SIGLEC5: variants seen among roughly 807,000 people sequenced by gnomAD.
SIGLEC5 encodes sialic acid-binding Ig-like lectin 5.
In SIGLEC5, 34 loss-of-function variants were observed where a neutral mutation model predicts 45.9. The ratio of observed to expected loss-of-function variants is 0.74; its 90% CI spans 0.56 to 0.99. The LOEUF is 0.99. Ranked by LOEUF, SIGLEC5 falls within the 50% of genes least tolerant of loss-of-function variation. The pLI, the probability that SIGLEC5 is intolerant of heterozygous loss-of-function variation, is 0.00. For missense variants in SIGLEC5, 508 were observed against 629.6 expected (o/e 0.81, Z 2.07); for synonymous variants, 203 against 258.6 (o/e 0.79, Z 2.06).
intron 8 of SIGLEC5, among the ~76,000 whole-genome samples, chr19:51,618,573 C>T (rs1046951907): frequency 6.6e-6 from 1 of 151,242 alleles, no homozygotes; most frequent in Non-Finnish European, 1.5e-5. Context: ...GGGCAGATCA[C>T]TTGAGCCCAG....
chr19:51,626,232 A>G, intron 7 of SIGLEC5, 119 bp from the exon 8 acceptor site: 1 of 746,952 alleles, frequency 1.3e-6, no homozygotes. Flanking sequence ...CCGGAACTAA[A>G]CTCGGAGACC....
Position 51,612,171 on chromosome 19 carries a change from T to C in SIGLEC5, c.*60A>G. Reference sequence around the variant, plus strand: ...GTGCTTCAGCAAGTGGTCCCTGACTTGTCCTTTCCCCCAGACAGGCTGTGG... The same window carrying C: ...GTGCTTCAGCAAGTGGTCCCTGACTCGTCCTTTCCCCCAGACAGGCTGTGG... On this transcript the variant is annotated 3_prime_UTR_variant, in exon 9 of 9. Transcript: ENST00000683636. 1 of 1,411,310 alleles carries C rather than the reference T, an allele frequency of 7.1e-7. No homozygotes were observed. Among genetic ancestry groups the C allele is most frequent in the East Asian group, 2.4e-5 (1 of 41,576 alleles). The allele number at this position is 1,411,310 out of a possible 1,614,324, so 87.4% of individuals were successfully genotyped here.
chr19:51,618,130 A>C (rs535078742), intron 8 of SIGLEC5, among the ~76,000 whole-genome samples: 50 of 151,776 alleles, frequency 3.3e-4, no homozygotes, highest in Non-Finnish European at 6.9e-4. Flanking sequence ...AAAGGAGAAA[A>C]ATGAAATATT....
At position 51,610,997 on chromosome 19, in the gene SIGLEC5, G is replaced by A. The variant is rs78032490; in HGVS notation, c.*1234C>T. 6.6e-6 allele frequency among the ~76,000 whole-genome samples: 1 copy of A among 151,988 alleles called. No individual in the cohort carries two copies. Among genetic ancestry groups the A allele is most frequent in the Non-Finnish European group, 1.5e-5 (1 of 68,002 alleles). On this transcript the variant is annotated 3_prime_UTR_variant, in exon 9 of 9. Coordinates refer to ENST00000683636, the MANE Select transcript of SIGLEC5 (RefSeq NM_003830.4). ...AAGATTTTATTATTTTCAACACAAGGCTTGATCAAAATTATCTAACCTGTC... is the reference window on the plus strand; with the variant it reads ...AAGATTTTATTATTTTCAACACAAGACTTGATCAAAATTATCTAACCTGTC...
At chr19:51,613,034 G>A (rs573853163) in intron 8 of SIGLEC5, among the ~76,000 whole-genome samples, 1 of 152,142 alleles carries the variant, frequency 6.6e-6, no homozygotes, top group African/African-American at 2.4e-5. Context: ...GTGTTTTGTT[G>A]TGCTGTCTCC....
chr19:51,612,908 C>T (rs1212008868), intron 8 of SIGLEC5, among the ~76,000 whole-genome samples: 1 of 152,224 alleles, frequency 6.6e-6, no homozygotes, highest in Non-Finnish European at 1.5e-5. Flanking sequence ...GCCCCCTACC[C>T]ACTGGATGAG....
In SIGLEC5 at chr19:51,611,966, A is replaced by G; in HGVS notation, c.*265T>C. ...TGTGTTGATTTCTTTAATGTTCACA[A>G]CAACCTTTGAGGTAGCATGCATGAT... On this transcript the variant is annotated 3_prime_UTR_variant, in exon 9 of 9. Coordinates refer to ENST00000683636, the MANE Select transcript of SIGLEC5 (RefSeq NM_003830.4). 1 of 247,742 alleles carries G rather than the reference A, an allele frequency of 4.0e-6. No individual in the cohort carries two copies. Among genetic ancestry groups the G allele is most frequent in the Non-Finnish European group, 7.7e-6 (1 of 130,184 alleles). The allele number at this position is 247,742 out of a possible 1,614,324, so 15.3% of individuals were successfully genotyped here. A position where few individuals can be genotyped will look rare whatever the true frequency, so the allele number is the denominator to read the frequency against.
intron 8 of SIGLEC5, among the ~76,000 whole-genome samples, chr19:51,617,082 C>T (rs188434481): frequency 6.6e-6 from 1 of 151,610 alleles, no homozygotes; most frequent in Non-Finnish European, 1.5e-5. Context: ...GGTGAAACCC[C>T]GTCTCTACTA....
chr19:51,612,396 G>C lies in SIGLEC5; in HGVS notation c.1491C>G (p.Asp497Glu), dbSNP rs751832718. 1.2e-6 allele frequency: 2 copies of C among 1,611,814 alleles called. No individual in the cohort carries two copies. The highest frequency in any genetic ancestry group is 1.7e-4 in the Middle Eastern group (1 of 6,006). ...TSGSRKKPWP[D>E]SPGDQASPPG... ...GAGGAGATGCTTGATCTCCGGGGCT[G>C]TCTGGCCAGGGCTTCTTCCTGGAAC... The change falls in exon 9 of 9, where the codon GAC (aspartate) becomes GAG (glutamate). Residue 497 changes from aspartate (D) to glutamate (E), a missense_variant. Coordinates refer to ENST00000683636, the MANE Select transcript of SIGLEC5 (RefSeq NM_003830.4).
At chr19:51,615,027 A>G (rs1414968137) in intron 8 of SIGLEC5, among the ~76,000 whole-genome samples, 2 of 152,230 alleles carry the variant, frequency 1.3e-5, no homozygotes, top group African/African-American at 4.8e-5. Flanking sequence ...GGGTGAATCT[A>G]GAACCTGAAT....
In SIGLEC5 at chr19:51,627,819, T is replaced by C; in HGVS notation, c.997+15A>G. On this transcript the variant is annotated intron_variant, in intron 5 of 8. Transcript: ENST00000683636. ...AATACCATGCAGTTCCTGCTCCAGC[T>C]GCCCCCACACTCACAGTAAACTGAG... 1.3e-6 allele frequency: 2 copies of C among 1,588,052 alleles called. No homozygotes were observed. The highest frequency in any genetic ancestry group is 1.7e-6 in the Non-Finnish European group (2 of 1,166,292).
At position 51,627,647 on chromosome 19, in the gene SIGLEC5, C is replaced by T. The variant is rs140164027; in HGVS notation, c.1097G>A (p.Arg366Gln). Residue 366 changes from arginine to glutamine, a missense_variant, in exon 6 of 9, where the codon CGG (arginine) becomes CAG (glutamine). Coordinates refer to ENST00000683636, the MANE Select transcript of SIGLEC5 (RefSeq NM_003830.4). ...CCCCTCCAGCGGCTTCTCCTCAAGC[C>T]GCCAGCACAGGGAGGGGGCCGGCCG... ...RARPAPSLCW[R>Q]LEEKPLEGNS... is the part of the protein sequence containing the mutation. The T allele has an allele frequency of 1.7e-5, 27 of 1,612,144 alleles. No homozygotes were observed. The highest frequency in any genetic ancestry group is 4.0e-5 in the African/African-American group (3 of 74,994).
Position 51,627,926 on chromosome 19 carries a change from C to T in SIGLEC5, c.905G>A (p.Arg302His), listed in dbSNP as rs142273811. 5.0e-6 allele frequency: 8 copies of T among 1,614,064 alleles called. No homozygotes were observed. Among genetic ancestry groups the T allele is most frequent in the East Asian group, 2.2e-5 (1 of 44,882 alleles). The change falls in exon 5 of 9, where the codon CGT becomes CAT. Residue 302 changes from arginine (R) to histidine (H), a missense_variant. By Grantham distance (29) the Arg-to-His change is conservative. Around this residue, in one of 2 missense-constraint regions of SIGLEC5, gnomAD observed 431 missense variants for 428.8 expected, o/e 1.01. Transcript: ENST00000683636. ...PISNTGILELRRVRSAEEGGF... is the reference protein window; with the variant it reads ...PISNTGILELHRVRSAEEGGF... ...TCCTTCTTCTGCAGACCTTACTCGA[C>T]GAAGCTCCAAGATCCCGGTATTGGA... is the stretch of plus-strand genomic sequence containing the variant.
In SIGLEC5 at chr19:51,627,165, G is replaced by C; in HGVS notation, c.1366C>G (p.Leu456Val). 6.2e-7 allele frequency: 1 copy of C among 1,613,712 alleles called. No individual in the cohort carries two copies. ...AAGACTTACATTAAAAAGAAGATGA[G>C]GCACAGACAGATACAGAGCAGGGCC... The part of the protein sequence containing the change: ...VMALLCICLC[L>V]IFFLIVKARR... The change falls in exon 7 of 9, where the codon CTC (leucine) becomes GTC (valine). Residue 456 changes from leucine to valine, a missense_variant. Around this residue, in one of 2 missense-constraint regions of SIGLEC5, gnomAD observed 431 missense variants for 428.8 expected, o/e 1.01. Coordinates refer to ENST00000683636, the MANE Select transcript of SIGLEC5 (RefSeq NM_003830.4).
intron 8 of SIGLEC5, among the ~76,000 whole-genome samples, chr19:51,613,852 A>G (rs1347810401): frequency 6.6e-6 from 1 of 151,914 alleles, no homozygotes; most frequent in Non-Finnish European, 1.5e-5. Context: ...ACAGTGTGAG[A>G]AATCAGACAT....
At chr19:51,627,000 ATC>A (rs1983504958) in intron 7 of SIGLEC5, 147 bp downstream of exon 7, 2 of 617,990 alleles carry the variant, frequency 3.2e-6, no homozygotes, top group Non-Finnish European at 5.7e-6. Flanking sequence ...AACCTCCATG[ATC>A]AAGTGATCCT....
rs762129815 is a variant in SIGLEC5, at chr19:51,628,813, ATG to A, written c.739+223_739+224del. ...ATGTGTATGTGTGTGGTGTATATGC[ATG>A]TGTGTGTGTGCGTGTGTGTGTGCGT... On this transcript the variant is annotated intron_variant, in intron 4 of 8. Transcript: ENST00000683636. Among the ~76,000 whole-genome samples, 13 of 120,584 alleles carry A rather than the reference ATG, an allele frequency of 1.1e-4. No individual in the cohort carries two copies. The East Asian group carries it at 1.5e-3, about 14-fold the overall frequency. The allele number at this position is 120,584 out of a possible 152,430, so 79.1% of individuals were successfully genotyped here.
chr19:51,612,052 G>T lies in SIGLEC5; in HGVS notation c.*179C>A. 7.3e-6 allele frequency: 3 copies of T among 410,354 alleles called. No individual in the cohort carries two copies. The highest frequency in any genetic ancestry group is 4.3e-5 in the Admixed American group (1 of 23,002). The allele number at this position is 410,354 out of a possible 1,614,324, so 25.4% of individuals were successfully genotyped here. On this transcript the variant is annotated 3_prime_UTR_variant, in exon 9 of 9. Transcript: ENST00000683636. Reference sequence around the variant, plus strand: ...GGATGCAGTGAATTGCTTGATGACAGTGCCAGGGCCTAGATTTGAGCCCAC... The same window carrying T: ...GGATGCAGTGAATTGCTTGATGACATTGCCAGGGCCTAGATTTGAGCCCAC...
chr19:51,614,972 A>G (rs940476274), intron 8 of SIGLEC5, among the ~76,000 whole-genome samples: 1 of 152,204 alleles, frequency 6.6e-6, no homozygotes, highest in Non-Finnish European at 1.5e-5. Flanking sequence ...AAACAAAAAA[A>G]CAGAGAGGTT....
Sources: gnomAD v4.1 joint callset for allele counts (sites outside exome capture counted in the v4.1 genomes callset) on GRCh38, gnomAD v4.1.1 for gene constraint, gnomAD v4.1.1 regional missense constraint, MANE v1.5 for transcripts, NCBI Gene and HGNC (gene_info 2026-07-23, HGNC 2026-07-21) for gene names.